The following MRPL49 variants were observed in gnomAD, a reference collection of about 807,000 sequenced individuals.
MRPL49 encodes the protein mitochondrial ribosomal protein L49.
Under a neutral mutation model 18.4 loss-of-function variants are expected in MRPL49, and 14 were observed. The ratio of observed to expected loss-of-function variants is 0.76; its 90% confidence interval spans 0.50 to 1.19. MRPL49 has a LOEUF of 1.19. Among genes scored for constraint, MRPL49 ranks in the 50% most tolerant of loss-of-function variants. The pLI is 0.00. For synonymous variants in MRPL49, 104 were observed against 86.2 expected (o/e 1.21, Z -1.14); for missense variants, 190 against 217.8 (o/e 0.87, Z 0.80).
At chr11:65,125,349 A>G (rs1381565238) in intron 2 of MRPL49, 139 bp from the exon 3 acceptor site, 13 of 1,055,564 alleles carry the variant, frequency 1.2e-5, no homozygotes, top group Non-Finnish European at 1.5e-5. Flanking sequence ...AGGAAAGAGG[A>G]GACCCCCTGA....
At position 65,127,055 on chromosome 11, in the gene MRPL49, A is replaced by G. The variant is rs751992660; in HGVS notation, c.*1183A>G. On this transcript the variant is annotated 3_prime_UTR_variant, in exon 4 of 4. Coordinates refer to ENST00000279242, the MANE Select transcript of MRPL49 (RefSeq NM_004927.4). ...ACAGCTTTCAGTTCCTGACTCCCCA[A>G]CTTGGTCTCTGCCCTGAAGCAGGGC... 4 of 702,248 alleles carry G rather than the reference A, an allele frequency of 5.7e-6. No homozygotes were observed. Among genetic ancestry groups the G allele is most frequent in the Non-Finnish European group, 5.2e-6 (2 of 384,916 alleles). The allele number at this position is 702,248 out of a possible 1,614,324, so 43.5% of individuals were successfully genotyped here.
intron 2 of MRPL49, chr11:65,125,251 AT>A: frequency 1.9e-6 from 1 of 513,782 alleles, no homozygotes; most frequent in Non-Finnish European, 3.4e-6. Context: ...CCCTGATTTC[AT>A]TTTTTCTTGA....
intron 1 of MRPL49, among the ~76,000 whole-genome samples, chr11:65,122,957 G>A (rs949640419): frequency 9.2e-5 from 14 of 152,040 alleles, no homozygotes; most frequent in Admixed American, 1.3e-4. Flanking sequence ...CTGACCTCGT[G>A]ATCCGCCCGC....
At chr11:65,124,373 A>G in intron 1 of MRPL49, 129 bp from the exon 2 acceptor site, 1 of 938,548 alleles carries the variant, frequency 1.1e-6, no homozygotes, top group Non-Finnish European at 1.6e-6. Context: ...GATAGCTTTC[A>G]CACCGTCGCC....
chr11:65,127,218 T>C lies in MRPL49; in HGVS notation c.*1346T>C, dbSNP rs1948112150. ...GGAGATTCCATTCCATTTTCAAGTG[T>C]ACAGCCACAGCAAGGAGCCCGACAC... On this transcript the variant is annotated 3_prime_UTR_variant, in exon 4 of 4. Coordinates refer to ENST00000279242, the MANE Select transcript of MRPL49 (RefSeq NM_004927.4). 1.8e-6 allele frequency: 1 copy of C among 542,946 alleles called. No homozygotes were observed. The highest frequency in any genetic ancestry group is 3.3e-6 in the Non-Finnish European group (1 of 306,998). 33.6% of individuals were successfully genotyped at this position (542,946 alleles called of 1,614,324 possible).
intron 1 of MRPL49, among the ~76,000 whole-genome samples, chr11:65,123,067 C>T (rs1036217826): frequency 1.2e-4 from 18 of 152,112 alleles, no homozygotes; most frequent in African/African-American, 4.3e-4. Context: ...TCACTATATC[C>T]CGTCACAGAT....
rs547161597 is a variant in MRPL49 at position 65,126,661 on chromosome 11, C to T, written c.*789C>T. 5.3e-5 allele frequency: 14 copies of T among 262,980 alleles called. No individual in the cohort carries two copies. Among genetic ancestry groups the T allele is most frequent in the African/African-American group, 1.5e-4 (7 of 45,432 alleles). The allele number at this position is 262,980 out of a possible 1,614,324, so 16.3% of individuals were successfully genotyped here. A position where few individuals can be genotyped will look rare whatever the true frequency, so the allele number is the denominator to read the frequency against. ...CAGGTGATGGAGAACACAGATGACTCGGGCATGGGTCTTGGAGATCTTCTG... is the reference window on the plus strand; with the variant it reads ...CAGGTGATGGAGAACACAGATGACTTGGGCATGGGTCTTGGAGATCTTCTG... On this transcript the variant is annotated 3_prime_UTR_variant, in exon 4 of 4. Transcript: ENST00000279242.
chr11:65,122,561 A>C, intron 1 of MRPL49, 137 bp downstream of exon 1: 1 of 756,044 alleles, frequency 1.3e-6, no homozygotes, highest in Non-Finnish European at 2.2e-6. Flanking sequence ...ACTTGTCCCG[A>C]GTGTACATAT....
At chr11:65,122,294 A>G, upstream of MRPL49, 1 of 1,590,794 alleles carries the variant, frequency 6.3e-7, no homozygotes, top group South Asian at 1.1e-5. Context: ...CTCGCGCAGG[A>G]CGGGGCGGGA....
chr11:65,125,105 G>T, intron 2 of MRPL49: 1 of 319,604 alleles, frequency 3.1e-6, no homozygotes, highest in South Asian at 3.7e-5. Context: ...TTAGTGCAGA[G>T]CCCAGCATAT....
intron 2 of MRPL49, chr11:65,124,880 TG>T (rs766818885): frequency 4.4e-6 from 2 of 453,522 alleles, no homozygotes; most frequent in Non-Finnish European, 7.7e-6. Context: ...CTTCCCCATA[TG>T]GGGGAAAGTA....
intron 2 of MRPL49, 128 bp from the exon 3 acceptor site, chr11:65,125,360 C>T (rs2053303654): frequency 1.6e-6 from 2 of 1,232,314 alleles, no homozygotes; most frequent in Non-Finnish European, 2.3e-6. Context: ...GACCCCCTGA[C>T]CTAAAGTCTG....
upstream of MRPL49, chr11:65,122,210 C>T (rs955861652): frequency 7.9e-6 from 7 of 891,476 alleles, no homozygotes; most frequent in South Asian, 4.8e-5. Flanking sequence ...CGGTTCCCTG[C>T]TATTTGTACC....
intron 1 of MRPL49, among the ~76,000 whole-genome samples, chr11:65,123,935 TGG>T (rs1948077243): frequency 1.3e-5 from 2 of 152,098 alleles, no homozygotes; most frequent in African/African-American, 4.8e-5. Context: ...TCACCGAGGC[TGG>T]AGTGCAATGG....
In MRPL49 at chr11:65,125,903, G is replaced by A. The variant is rs1232510884; in HGVS notation, c.*31G>A. The A allele has an allele frequency of 6.3e-7, 1 of 1,587,414 alleles. No individual in the cohort carries two copies. The highest frequency in any genetic ancestry group is 8.6e-7 in the Non-Finnish European group (1 of 1,163,960). On this transcript the variant is annotated 3_prime_UTR_variant, in exon 4 of 4. Coordinates refer to ENST00000279242, the MANE Select transcript of MRPL49 (RefSeq NM_004927.4). ...AGCCGAGCAGCCTGCTTGTCAGCATGCCCTGTGGATCAAGTCTAGGGGGCC... is the reference window on the plus strand; with the variant it reads ...AGCCGAGCAGCCTGCTTGTCAGCATACCCTGTGGATCAAGTCTAGGGGGCC...
chr11:65,124,515 GC>G lies in MRPL49; in HGVS notation c.95del (p.Pro32LeufsTer76). On this transcript the variant is annotated frameshift_variant, in exon 2 of 4. Coordinates refer to ENST00000279242, the MANE Select transcript of MRPL49 (RefSeq NM_004927.4). LOFTEE classifies it high-confidence loss of function. ...GTTTTGCTTCAGAGCCAGACCCAGG[GC>G]CCTCCAGATTACCCCAGGTTTGTGG... ...CGLRLLSQTQ[G>X]PPDYPRFVES... 6.2e-7 allele frequency: 1 copy of G among 1,614,094 alleles called. No homozygotes were observed. The highest frequency in any genetic ancestry group is 1.1e-5 in the South Asian group (1 of 91,064).
rs997848179 is a variant in MRPL49 at position 65,127,109 on chromosome 11, T to A, written c.*1237T>A. 4.3e-6 allele frequency: 3 copies of A among 694,234 alleles called. No homozygotes were observed. Among genetic ancestry groups the A allele is most frequent in the Non-Finnish European group, 7.9e-6 (3 of 381,774 alleles). The allele number at this position is 694,234 out of a possible 1,614,324, so 43.0% of individuals were successfully genotyped here. A position where few individuals can be genotyped will look rare whatever the true frequency, so the allele number is the denominator to read the frequency against. On this transcript the variant is annotated 3_prime_UTR_variant, in exon 4 of 4. Transcript: ENST00000279242. ...GAACTCTGGGCTGCTTCTCTGTGTG[T>A]AAAATGGGCACATCTTCCTAATCTG... is the stretch of plus-strand genomic sequence containing the variant.
At chr11:65,125,356 CT>C (rs1948089076) in intron 2 of MRPL49, 131 bp from the exon 3 acceptor site, 7 of 1,179,996 alleles carry the variant, frequency 5.9e-6, no homozygotes, top group South Asian at 4.2e-5. Context: ...AGGAGACCCC[CT>C]GACCTAAAGT....
In MRPL49 at chr11:65,125,712, T is replaced by G; in HGVS notation, c.355-14T>G. 2 of 1,613,442 alleles carry G rather than the reference T, an allele frequency of 1.2e-6. No individual in the cohort carries two copies. The highest frequency in any genetic ancestry group is 1.7e-6 in the Non-Finnish European group (2 of 1,179,584). ...GGGACTCTTGGCCTGACCTGATTTG[T>G]CATCTTTCCCCAGGCCCTGCAGAAA... On this transcript the variant is annotated splice_polypyrimidine_tract_variant and intron_variant, in intron 3 of 3. Coordinates refer to ENST00000279242, the MANE Select transcript of MRPL49 (RefSeq NM_004927.4).
Sources: gnomAD v4.1 joint callset for allele counts (sites outside exome capture counted in the v4.1 genomes callset) on GRCh38, gnomAD v4.1.1 for gene constraint, MANE v1.5 for transcripts, NCBI Gene and HGNC (gene_info 2026-07-23, HGNC 2026-07-21) for gene names.